The following CNTNAP2 variants were observed in gnomAD, a reference collection of about 807,000 sequenced individuals.
CNTNAP2 encodes the protein contactin associated protein 2.
Under a neutral mutation model 155.2 loss-of-function variants are expected in CNTNAP2, and 98 were observed. That is an observed-to-expected ratio of 0.63 (90% CI 0.54 to 0.75). The LOEUF is 0.75. Ranked by LOEUF, CNTNAP2 falls within the 30% of genes least tolerant of loss-of-function variation. The pLI is 0.00. For missense variants in CNTNAP2, 1,727 were observed against 1,688.1 expected, an observed-to-expected ratio of 1.02 and a Z score of -0.40; for synonymous variants, 651 against 631.2, an observed-to-expected ratio of 1.03 and a Z score of -0.47.
chr7:147,349,179 G>A (rs1023920430), intron 9 of CNTNAP2, among the ~76,000 whole-genome samples: 2 of 151,838 alleles, frequency 1.3e-5, no homozygotes, highest in South Asian at 4.1e-4. Context: ...TTGAGAGGAT[G>A]AATACGCTAA....
At chr7:146,438,140 G>GTA (rs1440824212) in intron 1 of CNTNAP2, among the ~76,000 whole-genome samples, 1 of 151,302 alleles carries the variant, frequency 6.6e-6, no homozygotes, top group Admixed American at 6.6e-5. Context: ...TTATACATAT[G>GTA]TATATCTTAC....
chr7:146,123,468 C>G (rs1422369912), intron 1 of CNTNAP2, among the ~76,000 whole-genome samples: 1 of 152,100 alleles, frequency 6.6e-6, no homozygotes, highest in African/African-American at 2.4e-5. Context: ...GTGTGACTGG[C>G]ATACGCACTG....
chr7:147,546,183 T>C (rs187220630), intron 11 of CNTNAP2, among the ~76,000 whole-genome samples: 38 of 152,264 alleles, frequency 2.5e-4, no homozygotes, highest in Admixed American at 1.4e-3. Context: ...CCCAGAATCA[T>C]GGTGGGAGGG....
rs186261673 is a variant in CNTNAP2 at position 148,014,465 on chromosome 7, C to G, written c.2383+36476C>G. ...TTATTATAGAATTATTTACTAGAAT[C>G]TGGCAGAGATCCTAAACACCATTTA... On this transcript the variant is annotated intron_variant, in intron 15 of 23. Coordinates refer to ENST00000361727, the MANE Select transcript of CNTNAP2 (RefSeq NM_014141.6). 2.8e-3 allele frequency among the ~76,000 whole-genome samples: 421 copies of G among 152,274 alleles called. 3 individuals are homozygous for G. The highest frequency in any genetic ancestry group is 3.9e-3 in the Admixed American group (59 of 15,286).
At chr7:147,391,417 A>G (rs367652863) in intron 9 of CNTNAP2, among the ~76,000 whole-genome samples, 98 of 152,204 alleles carry the variant, frequency 6.4e-4, no homozygotes, top group African/African-American at 2.3e-3. Context: ...TCCTGACCAT[A>G]AAGTTTGGAA....
At chr7:146,222,329 A>G (rs994399165) in intron 1 of CNTNAP2, among the ~76,000 whole-genome samples, 5 of 152,212 alleles carry the variant, frequency 3.3e-5, no homozygotes, top group African/African-American at 9.6e-5. Context: ...CTGTAGCCCA[A>G]TGATGGAAGG....
At chr7:146,283,506 C>T (rs1040788954) in intron 1 of CNTNAP2, among the ~76,000 whole-genome samples, 12 of 152,112 alleles carry the variant, frequency 7.9e-5, no homozygotes, top group Non-Finnish European at 1.8e-4. Context: ...TAGCAGGGAC[C>T]ACAGGTGTGA....
intron 2 of CNTNAP2, among the ~76,000 whole-genome samples, chr7:146,806,655 A>G (rs938762305): frequency 1.3e-5 from 2 of 152,216 alleles, no homozygotes; most frequent in African/African-American, 4.8e-5. Flanking sequence ...AGCAGGATCC[A>G]GTTCTCAAGT....
chr7:147,130,331 A>T (rs1208392614), intron 7 of CNTNAP2, among the ~76,000 whole-genome samples: 1 of 152,074 alleles, frequency 6.6e-6, no homozygotes, highest in Non-Finnish European at 1.5e-5. Context: ...GCATGCATGT[A>T]GTCCTAGCTG....
chr7:146,637,546 C>G (rs1362533140), intron 1 of CNTNAP2, among the ~76,000 whole-genome samples: 1 of 152,188 alleles, frequency 6.6e-6, no homozygotes, highest in African/African-American at 2.4e-5. Context: ...ACAATTTTCT[C>G]AGTAGTTCAG....
At chr7:146,655,350 G>A (rs1425603510) in intron 1 of CNTNAP2, among the ~76,000 whole-genome samples, 1 of 144,764 alleles carries the variant, frequency 6.9e-6, no homozygotes, top group East Asian at 2.0e-4. Context: ...GGAGACAGAG[G>A]TTGCAGTGAG....
At chr7:147,349,374 A>C (rs1379521653) in intron 9 of CNTNAP2, among the ~76,000 whole-genome samples, 2 of 151,956 alleles carry the variant, frequency 1.3e-5, no homozygotes, top group South Asian at 2.1e-4. Flanking sequence ...AGTAGATAAA[A>C]CTGTGAGAAT....
chr7:147,987,171 A>G (rs976376394), intron 15 of CNTNAP2, among the ~76,000 whole-genome samples: 10 of 152,174 alleles, frequency 6.6e-5, no homozygotes, highest in Non-Finnish European at 1.3e-4. Context: ...GTCAGGTCCA[A>G]TTACAAATGC....
intron 2 of CNTNAP2, among the ~76,000 whole-genome samples, chr7:146,826,922 T>C (rs1803416264): frequency 6.7e-6 from 1 of 150,160 alleles, no homozygotes; most frequent in South Asian, 2.1e-4. Context: ...AAGCCAAGAA[T>C]AAAATCTAGA....
intron 21 of CNTNAP2, among the ~76,000 whole-genome samples, chr7:148,291,136 T>C (rs573389370): frequency 6.6e-6 from 1 of 152,174 alleles, no homozygotes; most frequent in African/African-American, 2.4e-5. Flanking sequence ...TTTAGAGATC[T>C]CTACGATGTG....
At chr7:147,115,809 G>C (rs1027334267) in intron 5 of CNTNAP2, among the ~76,000 whole-genome samples, 1 of 152,084 alleles carries the variant, frequency 6.6e-6, no homozygotes, top group African/African-American at 2.4e-5. Context: ...GCCTACTTCT[G>C]TCATTTCAGC....
chr7:146,696,936 A>G (rs1223866505), intron 1 of CNTNAP2, among the ~76,000 whole-genome samples: 1 of 152,182 alleles, frequency 6.6e-6, no homozygotes, highest in Non-Finnish European at 1.5e-5. Flanking sequence ...AGAATGTGGT[A>G]TATCCTGGTG....
At chr7:146,242,549 A>AG (rs200908997) in intron 1 of CNTNAP2, among the ~76,000 whole-genome samples, 2 of 151,548 alleles carry the variant, frequency 1.3e-5, no homozygotes, top group African/African-American at 4.9e-5. Context: ...AAAAAAAAAA[A>AG]GGAGAGAAAA....
chr7:147,152,982 C>T (rs900778173), intron 8 of CNTNAP2, among the ~76,000 whole-genome samples: 1 of 151,990 alleles, frequency 6.6e-6, no homozygotes, highest in African/African-American at 2.4e-5. Flanking sequence ...ACAAGGAGGT[C>T]AGTGTGGATC....
Sources: gnomAD v4.1 joint callset for allele counts (sites outside exome capture counted in the v4.1 genomes callset) on GRCh38, gnomAD v4.1.1 for gene constraint, MANE v1.5 for transcripts, NCBI Gene and HGNC (gene_info 2026-07-23, HGNC 2026-07-21) for gene names.